Variants in BCAS3 observed in about 807,000 individuals in gnomAD.
BCAS3 encodes the protein BCAS4/BCAS3 fusion.
BCAS3 carries 53 observed loss-of-function variants against 116.1 expected under a neutral mutation model. The observed-to-expected ratio is 0.46, with a 90% CI of 0.37 to 0.57. The LOEUF (loss-of-function observed/expected upper bound fraction) is 0.57, where lower values mean the gene tolerates loss of function less well. BCAS3 is among the 20% of genes least tolerant of loss of function. The pLI, the probability that BCAS3 is intolerant of heterozygous loss-of-function variation, is 0.00. For synonymous variants in BCAS3, 391 were observed against 408.2 expected, an observed-to-expected ratio of 0.96 and a Z score of 0.51; for missense variants, 917 against 1,165.4, an observed-to-expected ratio of 0.79 and a Z score of 3.10.
intron 14 of BCAS3, among the ~76,000 whole-genome samples, chr17:60,950,134 T>C (rs1417661578): frequency 6.6e-6 from 1 of 151,948 alleles, no homozygotes; most frequent in Non-Finnish European, 1.5e-5. Flanking sequence ...TATTTATTAT[T>C]ATTAGATATT....
intron 22 of BCAS3, among the ~76,000 whole-genome samples, chr17:61,280,720 A>G (rs1361887303): frequency 6.6e-6 from 1 of 152,202 alleles, no homozygotes; most frequent in African/African-American, 2.4e-5. Context: ...GTGTTCAGCA[A>G]GAAGTGACCC....
Position 61,324,682 on chromosome 17 carries a change from C to T in BCAS3, c.2426-43645C>T, listed in dbSNP as rs1163858964. ...ACCTTGGCTGAGTCATTTCCTCTCC[C>T]TCATCTCATTTGCCTTGTTTATAAA... On this transcript the variant is annotated intron_variant, in intron 22 of 23. Transcript: ENST00000407086. This position sits in a 1 kb window ranked among gnomAD's most constrained non-coding sequence, Gnocchi z 4.6. Among the ~76,000 whole-genome samples the T allele has an allele frequency of 6.6e-6, 1 of 152,184 alleles. No individual in the cohort carries two copies. The highest frequency in any genetic ancestry group is 6.5e-5 in the Admixed American group (1 of 15,276).
chr17:60,795,434 C>G (rs2047127353), intron 6 of BCAS3, among the ~76,000 whole-genome samples: 1 of 152,056 alleles, frequency 6.6e-6, no homozygotes, highest in Non-Finnish European at 1.5e-5. Context: ...ATTGCTCTGG[C>G]TAGGACTTCC....
chr17:61,351,177 A>C (rs953566711), intron 22 of BCAS3, among the ~76,000 whole-genome samples: 46 of 152,230 alleles, frequency 3.0e-4, no homozygotes, highest in African/African-American at 1.1e-3. Context: ...TGAGACATCA[A>C]AATAACTTCA....
intron 13 of BCAS3, among the ~76,000 whole-genome samples, chr17:60,928,144 T>G (rs1567888987): frequency 6.6e-6 from 1 of 152,166 alleles, no homozygotes; most frequent in African/African-American, 2.4e-5. Context: ...AGATAGTCCC[T>G]ATGCATAGAG....
In BCAS3 at chr17:61,161,456, G is replaced by A. The variant is rs574113157; in HGVS notation, c.2425+76892G>A. Among the ~76,000 whole-genome samples the A allele has an allele frequency of 1.3e-5, 2 of 152,310 alleles. No individual in the cohort carries two copies. The highest frequency in any genetic ancestry group is 4.1e-4 in the South Asian group (2 of 4,828). ...CCCAATTTCATTACCACAGAGCATAGCGTTTTCAAATTTATTCTTTAAAAG... is the reference window on the plus strand; with the variant it reads ...CCCAATTTCATTACCACAGAGCATAACGTTTTCAAATTTATTCTTTAAAAG... On this transcript the variant is annotated intron_variant, in intron 22 of 23. Transcript: ENST00000407086. The surrounding 1 kb of genome is among the most constrained non-coding windows in gnomAD (Gnocchi z 4.8).
chr17:60,935,316 AAAT>A (rs1428328754), intron 13 of BCAS3, among the ~76,000 whole-genome samples: 2 of 152,196 alleles, frequency 1.3e-5, no homozygotes, highest in Non-Finnish European at 2.9e-5. Flanking sequence ...CAACAATGTA[AAAT>A]AATACTATCA....
At position 61,327,647 on chromosome 17, in the gene BCAS3, T is replaced by C. The variant is rs2055848023; in HGVS notation, c.2426-40680T>C. 6.6e-6 allele frequency among the ~76,000 whole-genome samples: 1 copy of C among 152,134 alleles called. No homozygotes were observed. The highest frequency in any genetic ancestry group is 2.4e-5 in the African/African-American group (1 of 41,424). ...GCCTCAGCCTCCCGAGTAGCTGGGA[T>C]TACAGGCATGTACCACCAAACCCCA... On this transcript the variant is annotated intron_variant, in intron 22 of 23. Transcript: ENST00000407086. The surrounding 1 kb of genome is among the most constrained non-coding windows in gnomAD (Gnocchi z 5.9).
At position 60,808,004 on chromosome 17, in the gene BCAS3, G is replaced by T; in HGVS notation, c.404G>T (p.Gly135Val). The T allele has an allele frequency of 1.3e-6, 2 of 1,595,654 alleles. No homozygotes were observed. The highest frequency in any genetic ancestry group is 1.7e-6 in the Non-Finnish European group (2 of 1,165,918). ...CAATTTATTTTATCCTTCCTGTCAGGTGCTCAAAAATGTGATAACTTTGCT... is the reference window on the plus strand; with the variant it reads ...CAATTTATTTTATCCTTCCTGTCAGTTGCTCAAAAATGTGATAACTTTGCT... The part of the protein sequence containing the change: ...AARILPAPQF[G>V]AQKCDNFAEK... Residue 135 changes from glycine (G) to valine (V), a missense_variant and splice_region_variant, in exon 7 of 24, where the codon GGT becomes GTT. Gly to Val is a moderately radical substitution (Grantham distance 109). Coordinates refer to ENST00000407086, the MANE Select transcript of BCAS3 (RefSeq NM_017679.5).
chr17:60,907,857 A>G (rs1047311545), intron 11 of BCAS3, among the ~76,000 whole-genome samples: 9 of 152,168 alleles, frequency 5.9e-5, no homozygotes, highest in Admixed American at 2.6e-4. Context: ...TGGAGAGACA[A>G]ATTACTGTGA....
chr17:61,128,779 A>G lies in BCAS3; in HGVS notation c.2425+44215A>G, dbSNP rs1260202529. Among the ~76,000 whole-genome samples the G allele has an allele frequency of 6.6e-6, 1 of 152,174 alleles. No homozygotes were observed. The highest frequency in any genetic ancestry group is 6.5e-5 in the Admixed American group (1 of 15,274). ...AGAATTTTTTCCCCCAGGAAAAAAA[A>G]ATCGGCAACTTTTGGTCTGTCACAA... is the stretch of plus-strand genomic sequence containing the variant. On this transcript the variant is annotated intron_variant, in intron 22 of 23. Coordinates refer to ENST00000407086, the MANE Select transcript of BCAS3 (RefSeq NM_017679.5). The surrounding 1 kb of genome is among the most constrained non-coding windows in gnomAD (Gnocchi z 4.1).
intron 15 of BCAS3, among the ~76,000 whole-genome samples, chr17:60,997,616 A>G (rs2063927612): frequency 1.3e-5 from 2 of 152,158 alleles, no homozygotes; most frequent in African/African-American, 4.8e-5. Context: ...TTCCACCGTT[A>G]TTTGTGCCCT....
chr17:61,169,106 A>G (rs1008528667), intron 22 of BCAS3, among the ~76,000 whole-genome samples: 2 of 152,204 alleles, frequency 1.3e-5, no homozygotes, highest in Admixed American at 1.3e-4. Context: ...TAACATTAGA[A>G]TATATTTCAT....
At chr17:60,998,372 G>A (rs1427505607) in intron 15 of BCAS3, among the ~76,000 whole-genome samples, 1 of 152,162 alleles carries the variant, frequency 6.6e-6, no homozygotes, top group Admixed American at 6.5e-5. Context: ...CCAGTAGTGG[G>A]ATTTCTGTGT....
chr17:61,176,491 T>C (rs1281289763), intron 22 of BCAS3, among the ~76,000 whole-genome samples: 1 of 151,160 alleles, frequency 6.6e-6, no homozygotes, highest in African/African-American at 2.4e-5. Context: ...GTCAGTGATT[T>C]GTTTTTTCTG....
intron 22 of BCAS3, among the ~76,000 whole-genome samples, chr17:61,167,122 G>A (rs1261543411): frequency 6.6e-6 from 1 of 152,214 alleles, no homozygotes; most frequent in Non-Finnish European, 1.5e-5. Flanking sequence ...GTTTTTAGCA[G>A]TGTGGGAGGT....
Position 61,040,829 on chromosome 17 carries a change from G to A in BCAS3, c.1966G>A (p.Ala656Thr). The change falls in exon 19 of 24, where the codon GCA (alanine) becomes ACA (threonine). Residue 656 changes from alanine (A) to threonine (T), a missense_variant. Around this residue, in one of 3 missense-constraint regions of BCAS3, gnomAD observed 807 missense variants for 1,026.0 expected, o/e 0.79. Coordinates refer to ENST00000407086, the MANE Select transcript of BCAS3 (RefSeq NM_017679.5). ...QWNELQPPFN[A>T]NHPLLLAADA... ...GAATGAATTGCAGCCACCGTTTAATGCAAACCACCCTCTGCTCCTCGCTGC... is the reference window on the plus strand; with the variant it reads ...GAATGAATTGCAGCCACCGTTTAATACAAACCACCCTCTGCTCCTCGCTGC... 1 of 1,614,002 alleles carries A rather than the reference G, an allele frequency of 6.2e-7. No homozygotes were observed. The highest frequency in any genetic ancestry group is 1.1e-5 in the South Asian group (1 of 91,070).
At chr17:60,848,446 A>G (rs2052722118) in intron 7 of BCAS3, among the ~76,000 whole-genome samples, 1 of 152,198 alleles carries the variant, frequency 6.6e-6, no homozygotes, top group Non-Finnish European at 1.5e-5. Context: ...ACTTTGTTGA[A>G]TTTATCAGTT....
At chr17:60,894,246 A>G (rs776559008) in intron 10 of BCAS3, among the ~76,000 whole-genome samples, 2 of 151,868 alleles carry the variant, frequency 1.3e-5, no homozygotes, top group East Asian at 3.9e-4. Flanking sequence ...GGTGTTTACA[A>G]TTTCTTTCAT....
Sources: gnomAD v4.1 joint callset for allele counts (sites outside exome capture counted in the v4.1 genomes callset) on GRCh38, gnomAD v4.1.1 for gene constraint, gnomAD v4.1.1 regional missense constraint, Gnocchi (gnomAD v3.1) non-coding constraint, MANE v1.5 for transcripts, NCBI Gene and HGNC (gene_info 2026-07-23, HGNC 2026-07-21) for gene names.